The following MRC1 variants were observed in gnomAD, a reference collection of about 807,000 sequenced individuals.
MRC1 encodes the protein mannose receptor C-type 1.
In MRC1, 62 loss-of-function variants were observed where a neutral mutation model predicts 102.9. That is an observed-to-expected ratio of 0.60 (90% CI 0.49 to 0.74). The LOEUF is 0.74. MRC1 is among the 30% of genes least tolerant of loss of function. The pLI is 0.00. For synonymous variants in MRC1, 457 were observed against 298.4 expected (o/e 1.53, Z -5.48); for missense variants, 1,237 against 862.8 (o/e 1.43, Z -5.43).
intron 4 of MRC1, among the ~76,000 whole-genome samples, chr10:17,836,404 A>G (rs1838662606): frequency 5.3e-5 from 8 of 152,186 alleles, no homozygotes; most frequent in Admixed American, 5.2e-4. Flanking sequence ...ATTTACAACC[A>G]TGCACAAAAA....
chr10:17,899,267 G>C (rs1833797324), intron 24 of MRC1, among the ~76,000 whole-genome samples: 2 of 152,176 alleles, frequency 1.3e-5, no homozygotes, highest in African/African-American at 4.8e-5. Context: ...AATGATTTCT[G>C]TGATTAAATT....
intron 3 of MRC1, among the ~76,000 whole-genome samples, chr10:17,832,680 C>T (rs1296262723): frequency 6.6e-6 from 1 of 150,652 alleles, no homozygotes; most frequent in Admixed American, 6.6e-5. Context: ...CTCCGCCTCC[C>T]GGGTTCACGC....
intron 15 of MRC1, among the ~76,000 whole-genome samples, chr10:17,872,351 C>T (rs958309265): frequency 2.6e-5 from 4 of 152,166 alleles, no homozygotes; most frequent in African/African-American, 9.7e-5. Context: ...GCAAGAGTCA[C>T]GTCCTTCCAA....
intron 21 of MRC1, among the ~76,000 whole-genome samples, chr10:17,883,215 A>T (rs2130694601): frequency 6.6e-6 from 1 of 152,186 alleles, no homozygotes; most frequent in African/African-American, 2.4e-5. Context: ...GCAGCCTCCA[A>T]CTCCTGGACT....
At chr10:17,896,088 G>A (rs1332278367) in intron 23 of MRC1, among the ~76,000 whole-genome samples, 2 of 152,148 alleles carry the variant, frequency 1.3e-5, no homozygotes, top group African/African-American at 4.8e-5. Flanking sequence ...CTACACAAAA[G>A]GGTCAGAAAT....
At position 17,853,129 on chromosome 10, in the gene MRC1, G is replaced by A; in HGVS notation, c.1407+5G>A. Reference sequence around the variant, plus strand: ...TGTGTGGTGATGAAAGGCAAGGTAAGGCCACTTGAATGACTGATATTTATA... The same window carrying A: ...TGTGTGGTGATGAAAGGCAAGGTAAAGCCACTTGAATGACTGATATTTATA... On this transcript the variant is annotated splice_donor_5th_base_variant and intron_variant, in intron 8 of 29. Transcript: ENST00000569591. 1.3e-6 allele frequency: 1 copy of A among 780,750 alleles called. No homozygotes were observed. The highest frequency in any genetic ancestry group is 2.4e-6 in the Non-Finnish European group (1 of 417,892). The allele number at this position is 780,750 out of a possible 1,614,324, so 48.4% of individuals were successfully genotyped here.
intron 1 of MRC1, among the ~76,000 whole-genome samples, chr10:17,816,934 G>T (rs1460539249): frequency 1.3e-5 from 2 of 152,022 alleles, no homozygotes; most frequent in Non-Finnish European, 2.9e-5. Context: ...CAATGTTGCG[G>T]CATAATTTTA....
intron 5 of MRC1, among the ~76,000 whole-genome samples, chr10:17,841,741 T>A (rs1220707324): frequency 1.1e-5 from 1 of 87,358 alleles, no homozygotes; most frequent in Non-Finnish European, 2.2e-5. Context: ...CCCAGTGCCA[T>A]TTTTTTTTTT....
chr10:17,855,147 A>C (rs979539109), intron 8 of MRC1, among the ~76,000 whole-genome samples: 16 of 152,268 alleles, frequency 1.1e-4, no homozygotes, highest in Admixed American at 5.2e-4. Flanking sequence ...TAGAAATAGG[A>C]AGAAGGCAGA....
intron 23 of MRC1, 42 bp from the exon 24 acceptor site, chr10:17,897,992 C>T (rs1008789852): frequency 5.4e-5 from 42 of 780,562 alleles, no homozygotes; most frequent in South Asian, 4.7e-4. Flanking sequence ...GGCTCAATTA[C>T]TGTTTATTGA....
At chr10:17,890,344 A>G (rs1002508269) in intron 22 of MRC1, among the ~76,000 whole-genome samples, 1,784 of 149,890 alleles carry the variant, frequency 0.012, 39 homozygotes, top group African/African-American at 0.041. Context: ...AGCTTCCTGG[A>G]TCTGTGATTT....
At chr10:17,899,995 G>A (rs1221231341) in intron 24 of MRC1, among the ~76,000 whole-genome samples, 1 of 151,652 alleles carries the variant, frequency 6.6e-6, no homozygotes, top group Admixed American at 6.6e-5. Context: ...CTACTTGGGA[G>A]GCAGAGGCAG....
chr10:17,865,761 C>T (rs1833257705), intron 11 of MRC1, among the ~76,000 whole-genome samples: 1 of 152,182 alleles, frequency 6.6e-6, no homozygotes, highest in African/African-American at 2.4e-5. Context: ...TCTTAGGAAT[C>T]AGGGAAAACC....
chr10:17,901,821 C>T, intron 25 of MRC1, 152 bp from the exon 26 acceptor site: 5 of 715,968 alleles, frequency 7.0e-6, no homozygotes, highest in Non-Finnish European at 1.3e-5. Context: ...TAAAAGGAAA[C>T]CCAATAATAA....
At chr10:17,845,113 A>C in intron 5 of MRC1, 176 bp from the exon 6 acceptor site, 1 of 778,364 alleles carries the variant, frequency 1.3e-6, no homozygotes, top group East Asian at 2.4e-5. Context: ...AAAACAATAG[A>C]CACCCATCGT....
chr10:17,823,686 A>G (rs1838432247), intron 2 of MRC1, among the ~76,000 whole-genome samples: 1 of 152,168 alleles, frequency 6.6e-6, no homozygotes. Flanking sequence ...TACTTCAGCT[A>G]TTTTTACTTA....
rs918701745 is a variant in MRC1, at chr10:17,822,918, A to G, written c.62-156A>G. On this transcript the variant is annotated intron_variant, in intron 1 of 29. Coordinates refer to ENST00000569591, the MANE Select transcript of MRC1 (RefSeq NM_002438.4). ...AGGGATCCTCGAAGAGAGCTGGCCCAGGCACAGTCATCAGTACCTCTTTTC... is the reference window on the plus strand; with the variant it reads ...AGGGATCCTCGAAGAGAGCTGGCCCGGGCACAGTCATCAGTACCTCTTTTC... Among the ~76,000 whole-genome samples the G allele has an allele frequency of 5.9e-3, 901 of 152,286 alleles. 10 individuals are homozygous for G. Among genetic ancestry groups the G allele is most frequent in the African/African-American group, 0.02 (827 of 41,548 alleles).
intron 9 of MRC1, among the ~76,000 whole-genome samples, chr10:17,858,409 C>G (rs1175572562): frequency 6.6e-6 from 1 of 152,120 alleles, no homozygotes; most frequent in African/African-American, 2.4e-5. Flanking sequence ...TGCCGAGTAC[C>G]TAGTGGAATG....
intron 5 of MRC1, chr10:17,845,050 G>T: frequency 1.3e-6 from 1 of 755,042 alleles, no homozygotes; most frequent in Non-Finnish European, 2.5e-6. Context: ...TTGTTTCAAA[G>T]AAGTATATTT....
Sources: gnomAD v4.1 joint callset for allele counts (sites outside exome capture counted in the v4.1 genomes callset) on GRCh38, gnomAD v4.1.1 for gene constraint, MANE v1.5 for transcripts, NCBI Gene and HGNC (gene_info 2026-07-23, HGNC 2026-07-21) for gene names.